The following CTNNA2 variants were observed in gnomAD, a reference collection of about 807,000 sequenced individuals.
CTNNA2 encodes catenin alpha 2, also known as catenin alpha-2.
CTNNA2 carries 42 observed loss-of-function variants against 101.0 expected under a neutral mutation model. The observed-to-expected ratio is 0.42, with a 90% CI of 0.32 to 0.54. The LOEUF (loss-of-function observed/expected upper bound fraction) is 0.54, where lower values mean the gene tolerates loss of function less well. Ranked by LOEUF, CTNNA2 falls within the 20% of genes least tolerant of loss-of-function variation. CTNNA2 has a pLI of 0.14. For synonymous variants in CTNNA2, 450 were observed against 456.4 expected (o/e 0.99, Z 0.18); for missense variants, 871 against 1,223.1 (o/e 0.71, Z 4.29).
chr2:80,194,701 A>G (rs2149003830), intron 7 of CTNNA2, among the ~76,000 whole-genome samples: 1 of 150,790 alleles, frequency 6.6e-6, no homozygotes, highest in South Asian at 2.1e-4. Context: ...TTATTTGAGG[A>G]AAAATACCCG....
At position 79,962,798 on chromosome 2, in the gene CTNNA2, G is replaced by A. The variant is rs529414764; in HGVS notation, c.1056+53001G>A. Among the ~76,000 whole-genome samples the A allele has an allele frequency of 5.3e-5, 8 of 152,222 alleles. No individual in the cohort carries two copies. In the South Asian group the frequency reaches 6.2e-4, roughly 12 times the overall value. On this transcript the variant is annotated intron_variant, in intron 7 of 18. Transcript: ENST00000402739. ...TAATGTTACACAAAATTGGCCGGGCGCGGTGGCTCACGCCTGTAATCCCAG... is the reference window on the plus strand; with the variant it reads ...TAATGTTACACAAAATTGGCCGGGCACGGTGGCTCACGCCTGTAATCCCAG...
chr2:79,808,056 A>G (rs1407722675), intron 3 of CTNNA2, among the ~76,000 whole-genome samples: 2 of 152,182 alleles, frequency 1.3e-5, no homozygotes, highest in African/African-American at 4.8e-5. Context: ...TTTTTACGTG[A>G]CATTTAACTT....
intron 1 of CTNNA2, among the ~76,000 whole-genome samples, chr2:79,572,287 G>C: frequency 6.6e-6 from 1 of 152,014 alleles, no homozygotes; most frequent in East Asian, 1.9e-4. Flanking sequence ...TTTGATTTTC[G>C]TTTTATACTG....
intron 7 of CTNNA2, among the ~76,000 whole-genome samples, chr2:80,307,060 A>C: frequency 6.7e-6 from 1 of 148,308 alleles, no homozygotes; most frequent in African/African-American, 2.4e-5. Context: ...TATATATATT[A>C]TATATAAATA....
chr2:80,496,784 C>T (rs908926759), intron 9 of CTNNA2, among the ~76,000 whole-genome samples: 4 of 152,152 alleles, frequency 2.6e-5, no homozygotes, highest in Admixed American at 6.5e-5. Flanking sequence ...AATTTATAAT[C>T]GTTGCATTCA....
At chr2:79,644,822 C>G (rs1680693602) in intron 1 of CTNNA2, among the ~76,000 whole-genome samples, 1 of 152,100 alleles carries the variant, frequency 6.6e-6, no homozygotes, top group African/African-American at 2.4e-5. Flanking sequence ...ATGGCTGGCT[C>G]CTCTTTTTTT....
At chr2:80,050,324 C>T (rs1696795971) in intron 7 of CTNNA2, among the ~76,000 whole-genome samples, 1 of 152,214 alleles carries the variant, frequency 6.6e-6, no homozygotes, top group Non-Finnish European at 1.5e-5. Flanking sequence ...ATTTGTTTCA[C>T]TTACTGAGTC....
At chr2:79,287,891 G>C (rs1407960485) in intron 2 of CTNNA2, among the ~76,000 whole-genome samples, 1 of 152,200 alleles carries the variant, frequency 6.6e-6, no homozygotes, top group African/African-American at 2.4e-5. Flanking sequence ...TGTGCTAGCA[G>C]TCAGTGAGAC....
intron 3 of CTNNA2, among the ~76,000 whole-genome samples, chr2:79,800,821 C>T (rs1480232196): frequency 6.6e-6 from 1 of 152,072 alleles, no homozygotes; most frequent in Non-Finnish European, 1.5e-5. Flanking sequence ...ACCAGATGAG[C>T]GCTAATTATT....
intron 7 of CTNNA2, among the ~76,000 whole-genome samples, chr2:80,209,470 C>T (rs1483286176): frequency 1.3e-5 from 2 of 152,074 alleles, no homozygotes; most frequent in African/African-American, 4.8e-5. Context: ...AGAGTACAGG[C>T]TTGAGCTACT....
intron 2 of CTNNA2, among the ~76,000 whole-genome samples, chr2:79,225,513 G>T (rs1015072281): frequency 4.6e-5 from 7 of 152,076 alleles, no homozygotes; most frequent in Non-Finnish European, 7.4e-5. Context: ...AAGAAAAATG[G>T]CCCCTGTCTT....
Position 80,123,158 on chromosome 2 carries a change from G to A in CTNNA2, c.1056+213361G>A, listed in dbSNP as rs140767204. 4.6e-3 allele frequency among the ~76,000 whole-genome samples: 705 copies of A among 152,244 alleles called. 4 individuals are homozygous for A. The highest frequency in any genetic ancestry group is 0.016 in the African/African-American group (676 of 41,526). ...CCTACTTTCTGCTTATTCACTGGCT[G>A]ATTTCATTAAGCCCTTTAGAAGCCA... On this transcript the variant is annotated intron_variant, in intron 7 of 18. Transcript: ENST00000402739.
chr2:79,376,948 G>A (rs780513130), intron 4 of CTNNA2, among the ~76,000 whole-genome samples: 5 of 152,212 alleles, frequency 3.3e-5, no homozygotes, highest in South Asian at 2.1e-4. Context: ...GTAATCATAC[G>A]TGTGCGTGTG....
chr2:79,677,910 A>T (rs1276317150), intron 2 of CTNNA2, among the ~76,000 whole-genome samples: 1 of 152,262 alleles, frequency 6.6e-6, no homozygotes, highest in Non-Finnish European at 1.5e-5. Flanking sequence ...CTCCGGAAAG[A>T]CATTTAAGAT....
At chr2:80,326,692 A>G (rs1031993776) in intron 7 of CTNNA2, among the ~76,000 whole-genome samples, 1 of 152,166 alleles carries the variant, frequency 6.6e-6, no homozygotes, top group Non-Finnish European at 1.5e-5. Context: ...CTAAAATAAG[A>G]TGTACCACAG....
intron 2 of CTNNA2, among the ~76,000 whole-genome samples, chr2:79,705,839 A>G (rs974550874): frequency 3.9e-5 from 6 of 152,244 alleles, no homozygotes; most frequent in Non-Finnish European, 7.3e-5. Context: ...TAAAAAGAGT[A>G]TGCTTCTTTG....
At chr2:80,043,243 G>A (rs2104290161) in intron 7 of CTNNA2, among the ~76,000 whole-genome samples, 1 of 139,100 alleles carries the variant, frequency 7.2e-6, no homozygotes, top group Non-Finnish European at 1.5e-5. Context: ...TGTCACCCAG[G>A]CTGGAGTGCA....
chr2:79,577,848 A>G (rs1675893258), intron 1 of CTNNA2, among the ~76,000 whole-genome samples: 1 of 152,178 alleles, frequency 6.6e-6, no homozygotes, highest in Non-Finnish European at 1.5e-5. Flanking sequence ...ATCTGAGTCT[A>G]ATTCATTCCC....
chr2:80,350,351 T>C (rs1267965444), intron 7 of CTNNA2, among the ~76,000 whole-genome samples: 2 of 152,210 alleles, frequency 1.3e-5, no homozygotes, highest in Non-Finnish European at 2.9e-5. Flanking sequence ...CTATGTTAAA[T>C]CTAAAATAGT....
Sources: allele counts gnomAD v4.1 joint callset (sites outside exome capture counted in the v4.1 genomes callset), GRCh38; gene constraint gnomAD v4.1.1; transcripts MANE v1.5; gene names NCBI Gene and HGNC (gene_info 2026-07-23, HGNC 2026-07-21).